ZC3H12C: variants seen among roughly 807,000 people sequenced by gnomAD.
The protein encoded by ZC3H12C is zinc finger CCCH-type containing 12C, also known as probable ribonuclease ZC3H12C.
A neutral mutation model predicts 76.3 loss-of-function variants in ZC3H12C; 20 were observed. The observed-to-expected ratio is 0.26, with a 90% CI of 0.18 to 0.38. ZC3H12C has a LOEUF of 0.38. Among genes scored for constraint, ZC3H12C ranks in the 10% least tolerant of loss-of-function variants. The pLI, the probability that ZC3H12C is intolerant of heterozygous loss-of-function variation, is 1.00. For missense variants in ZC3H12C, 874 were observed against 1,086.5 expected (o/e 0.80, Z 2.75); for synonymous variants, 352 against 399.6 (o/e 0.88, Z 1.42).
chr11:110,171,261 T>C lies in ZC3H12C; in HGVS notation c.*5524T>C, dbSNP rs1039846574. The C allele has an allele frequency of 6.6e-6, 1 of 152,254 alleles. No homozygotes were observed. The highest frequency in any genetic ancestry group is 1.5e-5 in the Non-Finnish European group (1 of 68,040). 9.4% of individuals were successfully genotyped at this position (152,254 alleles called of 1,614,324 possible). A position where few individuals can be genotyped will look rare whatever the true frequency, so the allele number is the denominator to read the frequency against. ...TTGAAATTAGAAATTTCTTACCTTATGTGAAATATTCACAAACGTGCACAC... is the reference window on the plus strand; with the variant it reads ...TTGAAATTAGAAATTTCTTACCTTACGTGAAATATTCACAAACGTGCACAC... On this transcript the variant is annotated 3_prime_UTR_variant, in exon 6 of 6. Transcript: ENST00000278590.
intron 2 of ZC3H12C, among the ~76,000 whole-genome samples, chr11:110,149,458 C>T (rs925145877): frequency 1.3e-5 from 2 of 152,124 alleles, no homozygotes; most frequent in African/African-American, 2.4e-5. Flanking sequence ...GTACGCCTTC[C>T]GCTTTATGGA....
rs112911531 is a variant in ZC3H12C at position 110,097,801 on chromosome 11, T to A, written c.21+4369T>A. ...GCATATATGACAGTGGTGCATAAGATTATAATAGAGCTGAAAAGTTCCTGT... is the reference window on the plus strand; with the variant it reads ...GCATATATGACAGTGGTGCATAAGAATATAATAGAGCTGAAAAGTTCCTGT... On this transcript the variant is annotated intron_variant, in intron 1 of 5. Transcript: ENST00000278590. Among the ~76,000 whole-genome samples, 6 of 152,262 alleles carry A rather than the reference T, an allele frequency of 3.9e-5. 2 individuals are homozygous for A. The highest frequency in any genetic ancestry group is 1.4e-4 in the African/African-American group (6 of 41,566).
At chr11:110,093,520 GC>G in intron 1 of ZC3H12C, 88 bp downstream of exon 1, 1 of 1,012,016 alleles carries the variant, frequency 9.9e-7, no homozygotes, top group Non-Finnish European at 1.2e-6. Context: ...GCGGGGCCGC[GC>G]CCGGGCGCCA....
At chr11:110,138,327 G>C (rs758144721) in intron 2 of ZC3H12C, among the ~76,000 whole-genome samples, 10 of 152,084 alleles carry the variant, frequency 6.6e-5, no homozygotes, top group Non-Finnish European at 1.2e-4. Flanking sequence ...GCCTACCAGA[G>C]AATCATCTGA....
intron 2 of ZC3H12C, among the ~76,000 whole-genome samples, chr11:110,142,228 T>C (rs1862078715): frequency 6.6e-6 from 1 of 152,220 alleles, no homozygotes. Flanking sequence ...TAATTCTAAG[T>C]ACATAATTCT....
intron 2 of ZC3H12C, among the ~76,000 whole-genome samples, chr11:110,140,687 C>G (rs761551731): frequency 6.6e-6 from 1 of 152,204 alleles, no homozygotes; most frequent in Non-Finnish European, 1.5e-5. Flanking sequence ...GATTAAATCT[C>G]TCCCCTGACT....
intron 1 of ZC3H12C, among the ~76,000 whole-genome samples, chr11:110,108,148 G>T (rs1193352482): frequency 6.6e-6 from 1 of 151,994 alleles, no homozygotes; most frequent in East Asian, 1.9e-4. Context: ...TAGAGATGAG[G>T]TCTCAGTGTG....
At chr11:110,112,554 T>G (rs1000572185) in intron 1 of ZC3H12C, among the ~76,000 whole-genome samples, 2 of 152,176 alleles carry the variant, frequency 1.3e-5, no homozygotes, top group African/African-American at 4.8e-5. Context: ...ATAAAGTATT[T>G]AGATTGCCAA....
At chr11:110,145,970 A>G (rs1761441268) in intron 2 of ZC3H12C, among the ~76,000 whole-genome samples, 1 of 152,108 alleles carries the variant, frequency 6.6e-6, no homozygotes, top group Non-Finnish European at 1.5e-5. Context: ...AGAAACCCAT[A>G]ACTTGTTGGT....
At chr11:110,138,236 G>T (rs1416802757) in intron 2 of ZC3H12C, among the ~76,000 whole-genome samples, 1 of 151,736 alleles carries the variant, frequency 6.6e-6, no homozygotes, top group African/African-American at 2.4e-5. Context: ...AAGATAAAAA[G>T]ATATGTGTAT....
intron 1 of ZC3H12C, among the ~76,000 whole-genome samples, chr11:110,134,950 T>A (rs1339172327): frequency 6.6e-6 from 1 of 152,204 alleles, no homozygotes; most frequent in African/African-American, 2.4e-5. Flanking sequence ...CTTGACTCTC[T>A]AATTAAAGTT....
Position 110,165,847 on chromosome 11 carries a change from GTATC to G in ZC3H12C, c.*111_*114del. ...TCCTTCTCAGCAAGGAGGTTATATA[GTATC>G]CATTTATGTGAAATACTGTATCATG... On this transcript the variant is annotated 3_prime_UTR_variant, in exon 6 of 6. Transcript: ENST00000278590. 9.7e-7 allele frequency: 1 copy of G among 1,034,308 alleles called. No homozygotes were observed. The highest frequency in any genetic ancestry group is 1.4e-6 in the Non-Finnish European group (1 of 726,612). 64.1% of individuals were successfully genotyped at this position (1,034,308 alleles called of 1,614,324 possible). A position where few individuals can be genotyped will look rare whatever the true frequency, so the allele number is the denominator to read the frequency against.
chr11:110,106,338 T>C (rs1004166369), intron 1 of ZC3H12C, among the ~76,000 whole-genome samples: 3 of 152,222 alleles, frequency 2.0e-5, no homozygotes, highest in African/African-American at 7.2e-5. Context: ...CAGCAATGTA[T>C]GTGTCCATTT....
At chr11:110,138,560 C>CT (rs550307579) in intron 2 of ZC3H12C, among the ~76,000 whole-genome samples, 368 of 140,556 alleles carry the variant, frequency 2.6e-3, no homozygotes, top group Admixed American at 4.0e-3. Flanking sequence ...TTACATTATT[C>CT]TTTTTTTTTT....
intron 4 of ZC3H12C, among the ~76,000 whole-genome samples, chr11:110,160,304 C>T (rs1370239481): frequency 6.6e-6 from 1 of 152,082 alleles, no homozygotes; most frequent in Non-Finnish European, 1.5e-5. Flanking sequence ...TATACTTAGG[C>T]TATGCCAAAT....
Position 110,166,573 on chromosome 11 carries a change from G to A in ZC3H12C, c.*836G>A, listed in dbSNP as rs1357863205. 1 of 152,192 alleles carries A rather than the reference G, an allele frequency of 6.6e-6. No individual in the cohort carries two copies. Among genetic ancestry groups the A allele is most frequent in the Non-Finnish European group, 1.5e-5 (1 of 68,026 alleles). 9.4% of individuals were successfully genotyped at this position (152,192 alleles called of 1,614,324 possible). On this transcript the variant is annotated 3_prime_UTR_variant, in exon 6 of 6. Transcript: ENST00000278590. Reference sequence around the variant, plus strand: ...AGCTATGATGTGCTTCTTGACAGTAGAAGTGGAATTGAATTCCTAGATTTC... The same window carrying A: ...AGCTATGATGTGCTTCTTGACAGTAAAAGTGGAATTGAATTCCTAGATTTC...
Position 110,165,525 on chromosome 11 carries a change from G to T in ZC3H12C, c.2440G>T (p.Glu814Ter). 1 of 1,613,886 alleles carries T rather than the reference G, an allele frequency of 6.2e-7. No individual in the cohort carries two copies. The highest frequency in any genetic ancestry group is 8.5e-7 in the Non-Finnish European group (1 of 1,179,830). The change falls in exon 6 of 6, where the codon GAG (glutamate) becomes TAG (stop). Residue 814 changes from glutamate (E) to a stop codon, truncating the protein, a stop_gained. Transcript: ENST00000278590. LOFTEE classifies it high-confidence loss of function. ...YEQFTFQSLP[E>*]QQEPAWRIPY... is the part of the protein sequence containing the mutation. ...GCAGTTCACCTTCCAGAGCCTCCCTGAGCAACAGGAGCCAGCCTGGCGGAT... is the reference window on the plus strand; with the variant it reads ...GCAGTTCACCTTCCAGAGCCTCCCTTAGCAACAGGAGCCAGCCTGGCGGAT...
chr11:110,145,604 C>T (rs662051), intron 2 of ZC3H12C, among the ~76,000 whole-genome samples: 13 of 147,522 alleles, frequency 8.8e-5, no homozygotes, highest in African/African-American at 2.8e-4. Context: ...AAATTGGGGG[C>T]GGGGGGGAGT....
At chr11:110,124,565 A>G (rs546689866) in intron 1 of ZC3H12C, among the ~76,000 whole-genome samples, 11 of 152,352 alleles carry the variant, frequency 7.2e-5, no homozygotes, top group Admixed American at 3.3e-4. Context: ...TAAAAACCGA[A>G]CTAGTCCAAG....
Sources: gnomAD v4.1 joint callset for allele counts (sites outside exome capture counted in the v4.1 genomes callset) on GRCh38, gnomAD v4.1.1 for gene constraint, MANE v1.5 for transcripts, NCBI Gene and HGNC (gene_info 2026-07-23, HGNC 2026-07-21) for gene names.